The following POLI variants were observed in gnomAD, a reference collection of about 807,000 sequenced individuals.
The protein encoded by POLI is RAD30 homolog B.
POLI carries 58 observed loss-of-function variants against 51.6 expected under a neutral mutation model. The observed-to-expected ratio is 1.12, with a 90% CI of 0.91 to 1.40. POLI has a LOEUF of 1.40. Ranked by LOEUF, POLI falls within the 40% of genes most tolerant of loss-of-function variation. The pLI is 0.00. For synonymous variants in POLI, 322 were observed against 299.7 expected (o/e 1.07, Z -0.77); for missense variants, 921 against 871.3 (o/e 1.06, Z -0.72).
rs2088298891 is a variant in POLI at position 54,295,815 on chromosome 18, A to G, written c.*1348A>G. 3.6e-6 allele frequency: 1 copy of G among 275,056 alleles called. No homozygotes were observed. The highest frequency in any genetic ancestry group is 5.5e-6 in the Non-Finnish European group (1 of 180,710). 17.0% of individuals were successfully genotyped at this position (275,056 alleles called of 1,614,324 possible). On this transcript the variant is annotated 3_prime_UTR_variant, in exon 10 of 10. Transcript: ENST00000579534. ...GCAAATTTTTGTATTTTTAGTAGAG[A>G]TGACATTTCACCATATTGGCCAGGC...
At chr18:54,307,183 G>A (rs1031946758) in intron 3 of POLI, among the ~76,000 whole-genome samples, 2 of 152,060 alleles carry the variant, frequency 1.3e-5, no homozygotes, top group Admixed American at 6.5e-5. Context: ...TGTGATGTTA[G>A]GGTGTCAATT....
At position 54,282,910 on chromosome 18, in the gene POLI, A is replaced by G. The variant is rs748075692; in HGVS notation, c.870A>G (p.Ser290=). Residue 290 remains serine (S), a synonymous_variant, in exon 6 of 10, where the codon TCA becomes TCG. Coordinates refer to ENST00000579534, the MANE Select transcript of POLI (RefSeq NM_007195.3). ...INSVRDLQTF[S]PKILEKELGI... ...GTGTGCGTGATCTCCAAACCTTTTCACCCAAAATTTTAGAAAAAGAATTAG... is the reference window on the plus strand; with the variant it reads ...GTGTGCGTGATCTCCAAACCTTTTCGCCCAAAATTTTAGAAAAAGAATTAG... 4 of 1,596,112 alleles carry G rather than the reference A, an allele frequency of 2.5e-6. No individual in the cohort carries two copies. The African/African-American group carries it at 4.0e-5, about 16-fold the overall frequency.
intron 7 of POLI, 74 bp downstream of exon 7, chr18:54,284,087 T>A: frequency 1.8e-6 from 1 of 547,820 alleles, no homozygotes; most frequent in Non-Finnish European, 3.3e-6. Flanking sequence ...GAATATTTGA[T>A]GTTCCATCTT....
intron 9 of POLI, 85 bp from the exon 10 acceptor site, chr18:54,293,564 G>C (rs1205727868): frequency 2.1e-6 from 2 of 946,224 alleles, no homozygotes; most frequent in Non-Finnish European, 3.1e-6. Context: ...AAACATGTCA[G>C]ATAATAGCTA....
chr18:54,269,662 G>A lies in POLI; in HGVS notation c.115+1G>A, dbSNP rs981777079. The A allele has an allele frequency of 6.0e-6, 9 of 1,505,396 alleles. No individual in the cohort carries two copies. The African/African-American group carries it at 1.2e-4, about 19-fold the overall frequency. 93.3% of individuals were successfully genotyped at this position (1,505,396 alleles called of 1,614,324 possible). On this transcript the variant is annotated splice_donor_variant, in intron 1 of 9. Coordinates refer to ENST00000579534, the MANE Select transcript of POLI (RefSeq NM_007195.3). LOFTEE classifies it high-confidence loss of function. ...GTGGGGGCGGCAGCCAGCTCGCAGG[G>A]TGCGCCGCAGCCAGAGGAGCCAGCG...
intron 3 of POLI, among the ~76,000 whole-genome samples, chr18:54,315,773 C>T (rs969050929): frequency 6.6e-6 from 1 of 152,000 alleles, no homozygotes; most frequent in African/African-American, 2.4e-5. Context: ...AAAATAATGA[C>T]CCCTATTCTT....
chr18:54,291,833 G>A lies in POLI; in HGVS notation c.1199G>A (p.Gly400Glu). The A allele has an allele frequency of 1.4e-6, 2 of 1,436,532 alleles. No individual in the cohort carries two copies. Among genetic ancestry groups the A allele is most frequent in the Non-Finnish European group, 1.9e-6 (2 of 1,026,246 alleles). 89.0% of individuals were successfully genotyped at this position (1,436,532 alleles called of 1,614,324 possible). A position where few individuals can be genotyped will look rare whatever the true frequency, so the allele number is the denominator to read the frequency against. ...PSHVIQKLGT[G>E]NYDVMTPMVD... ...GTTTATTCTTAAACATTTTATTTAGGAAATTATGATGTGATGACCCCAATG... is the reference window on the plus strand; with the variant it reads ...GTTTATTCTTAAACATTTTATTTAGAAAATTATGATGTGATGACCCCAATG... Residue 400 changes from glycine to glutamate, a missense_variant and splice_region_variant, in exon 9 of 10, where the codon GGA becomes GAA. Transcript: ENST00000579534.
In POLI at chr18:54,298,007, A is replaced by G; in HGVS notation, c.*3540A>G. ...TAAGATAATATCTTTTACTTTGGAG[A>G]TACGCAGTTTTTATTATATGTCTAG... On this transcript the variant is annotated 3_prime_UTR_variant, in exon 10 of 10. Transcript: ENST00000579534. The G allele has an allele frequency of 3.0e-5, 29 of 978,630 alleles. No individual in the cohort carries two copies. The highest frequency in any genetic ancestry group is 3.4e-5 in the Non-Finnish European group (28 of 823,784). The allele number at this position is 978,630 out of a possible 1,614,324, so 60.6% of individuals were successfully genotyped here. A position where few individuals can be genotyped will look rare whatever the true frequency, so the allele number is the denominator to read the frequency against.
intron 3 of POLI, among the ~76,000 whole-genome samples, chr18:54,310,660 A>G (rs533604895): frequency 1.3e-5 from 2 of 152,196 alleles, no homozygotes; most frequent in African/African-American, 2.4e-5. Flanking sequence ...AGTTGTATTT[A>G]TTATATATTA....
At chr18:54,315,264 A>G (rs1202823829) in intron 3 of POLI, among the ~76,000 whole-genome samples, 1 of 152,124 alleles carries the variant, frequency 6.6e-6, no homozygotes, top group South Asian at 2.1e-4. Flanking sequence ...ATGTAATTAT[A>G]TGGTTTTGAG....
Position 54,310,002 on chromosome 18 carries a change from C to G in POLI, c.334-10271C>G, listed in dbSNP as rs568282380. ...CCAGATACAGTCTGTCAGGGCTTCC[C>G]TTGGCTAGGAAAGGGAAATTCCCCG... On this transcript the variant is annotated intron_variant, in intron 3 of 4. Transcript: ENST00000579823. 3.3e-5 allele frequency among the ~76,000 whole-genome samples: 5 copies of G among 152,298 alleles called. No homozygotes were observed. The East Asian group carries it at 9.7e-4, about 29-fold the overall frequency.
intron 2 of POLI, 91 bp downstream of exon 2, chr18:54,271,576 A>G (rs547806740): frequency 1.0e-6 from 1 of 966,902 alleles, no homozygotes; most frequent in Admixed American, 3.0e-5. Context: ...AACCTTATTA[A>G]GAAAGATTTT....
At chr18:54,277,886 A>C in intron 4 of POLI, 31 bp downstream of exon 4, 1 of 1,508,048 alleles carries the variant, frequency 6.6e-7, no homozygotes, top group Non-Finnish European at 9.1e-7. Context: ...TCTACCTACT[A>C]ACCAAAAGTA....
At chr18:54,280,562 G>T in intron 4 of POLI, 105 bp from the exon 5 acceptor site, 1 of 684,360 alleles carries the variant, frequency 1.5e-6, no homozygotes, top group South Asian at 1.8e-5. Flanking sequence ...TTGTGGTGGT[G>T]GTGGTTGTTG....
intron 8 of POLI, among the ~76,000 whole-genome samples, chr18:54,288,728 G>A (rs774495838): frequency 2.6e-5 from 4 of 151,496 alleles, no homozygotes; most frequent in African/African-American, 9.7e-5. Flanking sequence ...CATAACCGCT[G>A]TTGCCCCTGT....
chr18:54,297,329 GTATTTT>G lies in POLI; in HGVS notation c.*2876_*2881del, dbSNP rs1173888366. The G allele has an allele frequency of 3.1e-6, 3 of 979,582 alleles. No individual in the cohort carries two copies. In the African/African-American group the frequency reaches 5.3e-5, roughly 17 times the overall value. 60.7% of individuals were successfully genotyped at this position (979,582 alleles called of 1,614,324 possible). ...CCTGTTTCTGTCTTGAATGTAGAGGGTATTTTTATTTTTATTTTTTCTGTTTCTCTC... is the reference window on the plus strand; with the variant it reads ...CCTGTTTCTGTCTTGAATGTAGAGGGTATTTTTATTTTTTCTGTTTCTCTC... On this transcript the variant is annotated 3_prime_UTR_variant, in exon 10 of 10. Transcript: ENST00000579534.
intron 3 of POLI, among the ~76,000 whole-genome samples, chr18:54,319,617 A>G (rs1170274153): frequency 1.3e-5 from 2 of 152,126 alleles, no homozygotes; most frequent in Admixed American, 6.6e-5. Context: ...TACCAGTATT[A>G]CTTACCTTTA....
intron 3 of POLI, among the ~76,000 whole-genome samples, chr18:54,311,575 T>C (rs1338574043): frequency 6.6e-6 from 1 of 152,216 alleles, no homozygotes; most frequent in Admixed American, 6.5e-5. Flanking sequence ...CAATTTGTGA[T>C]GTTGACAGAA....
chr18:54,302,140 T>A (rs2088503042), downstream of POLI, among the ~76,000 whole-genome samples: 1 of 152,226 alleles, frequency 6.6e-6, no homozygotes, highest in African/African-American at 2.4e-5. Flanking sequence ...TATCATTAGA[T>A]CTTTCCTTTG....
Sources: allele counts gnomAD v4.1 joint callset (sites outside exome capture counted in the v4.1 genomes callset), GRCh38; gene constraint gnomAD v4.1.1; transcripts MANE v1.5; gene names NCBI Gene and HGNC (gene_info 2026-07-23, HGNC 2026-07-21).